The following FARP1 variants were observed in gnomAD, a reference collection of about 807,000 sequenced individuals.
FARP1 encodes the protein FERM, ARH/RhoGEF and pleckstrin domain protein 1, also known as FERM, ARHGEF and pleckstrin domain-containing protein 1.
A neutral mutation model predicts 128.8 loss-of-function variants in FARP1; 52 were observed. The ratio of observed to expected loss-of-function variants is 0.40; its 90% CI spans 0.32 to 0.51. FARP1 has a LOEUF of 0.51. Among genes scored for constraint, FARP1 ranks in the 20% least tolerant of loss-of-function variants. The pLI is 0.45. For missense variants in FARP1, 1,333 were observed against 1,367.9 expected, an observed-to-expected ratio of 0.97 and a Z score of 0.40; for synonymous variants, 580 against 551.8, an observed-to-expected ratio of 1.05 and a Z score of -0.72.
At chr13:98,217,147 T>TC (rs1449126234) in intron 2 of FARP1, among the ~76,000 whole-genome samples, 6 of 152,228 alleles carry the variant, frequency 3.9e-5, no homozygotes, top group African/African-American at 1.4e-4. Flanking sequence ...TGGTTTCCTC[T>TC]CCAAGTGTTT....
At chr13:98,210,972 TC>T (rs890059229) in intron 1 of FARP1, among the ~76,000 whole-genome samples, 11 of 152,218 alleles carry the variant, frequency 7.2e-5, no homozygotes, top group African/African-American at 2.4e-4. Flanking sequence ...GATTGGCACT[TC>T]AAGCATGAAT....
chr13:98,425,133 G>T (rs1175110533), intron 17 of FARP1, among the ~76,000 whole-genome samples: 4 of 151,070 alleles, frequency 2.6e-5, no homozygotes, highest in East Asian at 1.9e-4. Flanking sequence ...TTTTTAGTAG[G>T]TTTTTTTGTT....
At chr13:98,213,504 T>C (rs1031326364) in intron 2 of FARP1, 91 bp downstream of exon 2, 1 of 1,360,350 alleles carries the variant, frequency 7.4e-7, no homozygotes, top group Non-Finnish European at 1.0e-6. Context: ...GCCAGTGACA[T>C]GAGGCGGCTG....
chr13:98,306,820 G>A (rs1235215569), intron 2 of FARP1, among the ~76,000 whole-genome samples: 11 of 152,146 alleles, frequency 7.2e-5, no homozygotes, highest in African/African-American at 1.9e-4. Context: ...CACCGTGCCC[G>A]GCCTCTAGCT....
chr13:98,267,876 G>C (rs894527448), intron 2 of FARP1, among the ~76,000 whole-genome samples: 1 of 152,166 alleles, frequency 6.6e-6, no homozygotes, highest in African/African-American at 2.4e-5. Context: ...AATGAAATTG[G>C]AAGGTGGGGC....
At chr13:98,400,528 G>C (rs1890720548) in intron 13 of FARP1, 1 of 152,244 alleles carries the variant, frequency 6.6e-6, no homozygotes, top group East Asian at 1.9e-4. Flanking sequence ...GTAGCTGTTA[G>C]TGAGTAATTG....
intron 2 of FARP1, among the ~76,000 whole-genome samples, chr13:98,316,376 G>T (rs911013501): frequency 6.6e-6 from 1 of 152,204 alleles, no homozygotes; most frequent in African/African-American, 2.4e-5. Flanking sequence ...ATCCTGCTAG[G>T]TAGTTCTTGG....
At chr13:98,447,580 C>G (rs1289053219) in intron 26 of FARP1, 1 of 152,516 alleles carries the variant, frequency 6.6e-6, no homozygotes, top group Admixed American at 6.5e-5. Context: ...CCACTAGATG[C>G]CCGCAGCAAC....
intron 2 of FARP1, among the ~76,000 whole-genome samples, chr13:98,313,166 TACAC>T (rs1468776962): frequency 8.6e-5 from 11 of 128,334 alleles, no homozygotes; most frequent in African/African-American, 3.3e-4. Flanking sequence ...TGGGTCATAA[TACAC>T]ACATACACTC....
intron 8 of FARP1, 52 bp downstream of exon 8, chr13:98,385,866 G>T (rs570952136): frequency 6.3e-7 from 1 of 1,589,988 alleles, no homozygotes. Context: ...AGAGAGAAGA[G>T]CTGGCCCTTC....
intron 2 of FARP1, among the ~76,000 whole-genome samples, chr13:98,268,860 C>T (rs1252695154): frequency 1.3e-5 from 2 of 151,568 alleles, no homozygotes; most frequent in Admixed American, 1.3e-4. Flanking sequence ...GTATGTGCCA[C>T]CACGCTCGGC....
chr13:98,243,875 C>T (rs1441636354), intron 2 of FARP1, among the ~76,000 whole-genome samples: 1 of 152,020 alleles, frequency 6.6e-6, no homozygotes, highest in Non-Finnish European at 1.5e-5. Flanking sequence ...TAAATTTTTA[C>T]TCCCTGCTGT....
At chr13:98,387,322 G>C in intron 8 of FARP1, among the ~76,000 whole-genome samples, 1 of 152,074 alleles carries the variant, frequency 6.6e-6, no homozygotes, top group East Asian at 1.9e-4. Flanking sequence ...ATAAAGCCAA[G>C]TGGAGTTTTG....
chr13:98,384,015 TAA>T (rs375696898), intron 6 of FARP1: 154 of 152,332 alleles, frequency 1.0e-3, no homozygotes, highest in Non-Finnish European at 1.8e-3. Context: ...TGCTAATATA[TAA>T]GAGTTTCACT....
intron 2 of FARP1, among the ~76,000 whole-genome samples, chr13:98,334,530 A>G (rs1003320307): frequency 6.6e-6 from 1 of 152,196 alleles, no homozygotes; most frequent in Non-Finnish European, 1.5e-5. Flanking sequence ...GGTTTCATTG[A>G]ATTCTCACAT....
In FARP1 at chr13:98,336,415, A is replaced by T. The variant is rs534763052; in HGVS notation, c.172-7347A>T. ...CTCCCAAGTAGCTGGGACTACAGGC[A>T]CGCGCCACCACGCCCAGATAATTTT... On this transcript the variant is annotated intron_variant, in intron 2 of 26. Coordinates refer to ENST00000319562, the MANE Select transcript of FARP1 (RefSeq NM_005766.4). Among the ~76,000 whole-genome samples the T allele has an allele frequency of 2.6e-5, 4 of 152,172 alleles. No individual in the cohort carries two copies. The South Asian group carries it at 8.3e-4, about 32-fold the overall frequency.
In FARP1 at chr13:98,451,232, G is replaced by C. The variant is rs189479864; in HGVS notation, c.*2915G>C. The C allele has an allele frequency of 4.7e-4, 72 of 152,266 alleles. No individual in the cohort carries two copies. The highest frequency in any genetic ancestry group is 1.6e-3 in the African/African-American group (66 of 41,542). 9.4% of individuals were successfully genotyped at this position (152,266 alleles called of 1,614,324 possible). On this transcript the variant is annotated 3_prime_UTR_variant, in exon 27 of 27. Transcript: ENST00000319562. ...AAATCAGGTAACGGCACACCCTGGG[G>C]AACACAGACTCAATCTGTGTGATTC...
chr13:98,309,805 C>T (rs940130383), intron 2 of FARP1, among the ~76,000 whole-genome samples: 1 of 152,188 alleles, frequency 6.6e-6, no homozygotes. Context: ...CGGACAAACT[C>T]GAAACGGTGG....
At chr13:98,263,720 T>C (rs534414650) in intron 2 of FARP1, among the ~76,000 whole-genome samples, 6 of 152,338 alleles carry the variant, frequency 3.9e-5, no homozygotes, top group African/African-American at 1.2e-4. Context: ...GAGTAAACCA[T>C]GGTACACCCA....
Sources: allele counts gnomAD v4.1 joint callset (sites outside exome capture counted in the v4.1 genomes callset), GRCh38; gene constraint gnomAD v4.1.1; transcripts MANE v1.5; gene names NCBI Gene and HGNC (gene_info 2026-07-23, HGNC 2026-07-21).